The following ADGRB3 variants were observed in gnomAD, a reference collection of about 807,000 sequenced individuals.
The protein encoded by ADGRB3 is brain-specific angiogenesis inhibitor 3.
In ADGRB3, 37 loss-of-function variants were observed where a neutral mutation model predicts 193.4. That is an observed-to-expected ratio of 0.19 (90% CI 0.15 to 0.25). ADGRB3 has a LOEUF of 0.25. Ranked by LOEUF, ADGRB3 falls within the 10% of genes least tolerant of loss-of-function variation. The pLI, the probability that ADGRB3 is intolerant of heterozygous loss-of-function variation, is 1.00. For synonymous variants in ADGRB3, 690 were observed against 644.2 expected, an observed-to-expected ratio of 1.07 and a Z score of -1.08; for missense variants, 1,637 against 1,852.9, an observed-to-expected ratio of 0.88 and a Z score of 2.14.
At position 68,978,998 on chromosome 6, in the gene ADGRB3, T is replaced by G. The variant is rs932333755; in HGVS notation, c.1734+3658T>G. On this transcript the variant is annotated intron_variant, in intron 10 of 31. Coordinates refer to ENST00000370598, the MANE Select transcript of ADGRB3 (RefSeq NM_001704.3). ...AATGAAATTTTATCATTAATAAACATTAGTTGTGTATGTTCTATGAACTCT... is the reference window on the plus strand; with the variant it reads ...AATGAAATTTTATCATTAATAAACAGTAGTTGTGTATGTTCTATGAACTCT... Among the ~76,000 whole-genome samples the G allele has an allele frequency of 4.0e-5, 6 of 151,310 alleles. 1 individual carries two copies. In the East Asian group the frequency reaches 1.2e-3, roughly 29 times the overall value.
At chr6:68,639,694 A>G (rs1439536970) in intron 3 of ADGRB3, among the ~76,000 whole-genome samples, 1 of 152,176 alleles carries the variant, frequency 6.6e-6, no homozygotes, top group Non-Finnish European at 1.5e-5. Flanking sequence ...GCAGAAACCT[A>G]GAGCCAGCAT....
chr6:68,716,491 C>T (rs746350666), intron 3 of ADGRB3, among the ~76,000 whole-genome samples: 21 of 150,950 alleles, frequency 1.4e-4, no homozygotes, highest in Admixed American at 2.6e-4. Flanking sequence ...TATTTGGACC[C>T]GCTAAAATTT....
chr6:69,018,017 T>C (rs1008076461), intron 12 of ADGRB3, among the ~76,000 whole-genome samples: 2 of 151,944 alleles, frequency 1.3e-5, no homozygotes, highest in East Asian at 1.9e-4. Context: ...TCCTCTTGTG[T>C]TCCTCATATA....
At chr6:69,259,125 G>T (rs1457364198) in intron 20 of ADGRB3, among the ~76,000 whole-genome samples, 1 of 152,096 alleles carries the variant, frequency 6.6e-6, no homozygotes, top group African/African-American at 2.4e-5. Context: ...GATATTAAAA[G>T]ACAGGAATCC....
rs116522011 is a variant in ADGRB3, at chr6:69,221,163, T to G, written c.2481-12127T>G. ...AAGCAAAATTTCCTATTCTTTAAAT[T>G]ATGATAGTCATTATTTTAGGCTGTC... On this transcript the variant is annotated intron_variant, in intron 17 of 31. Coordinates refer to ENST00000370598, the MANE Select transcript of ADGRB3 (RefSeq NM_001704.3). Among the ~76,000 whole-genome samples, 167 of 152,292 alleles carry G rather than the reference T, an allele frequency of 1.1e-3. 1 individual carries two copies. Among genetic ancestry groups the G allele is most frequent in the African/African-American group, 3.8e-3 (157 of 41,574 alleles).
At chr6:68,747,369 C>A (rs904148437) in intron 3 of ADGRB3, among the ~76,000 whole-genome samples, 26 of 152,088 alleles carry the variant, frequency 1.7e-4, no homozygotes, top group African/African-American at 4.6e-4. Context: ...CACTCAATAC[C>A]AAACAGTTAT....
chr6:69,032,423 G>T (rs1770740730), intron 13 of ADGRB3, among the ~76,000 whole-genome samples: 1 of 152,066 alleles, frequency 6.6e-6, no homozygotes, highest in Non-Finnish European at 1.5e-5. Flanking sequence ...AAATGAACTA[G>T]AAGGATGCTG....
At chr6:68,712,135 T>A (rs1376201145) in intron 3 of ADGRB3, among the ~76,000 whole-genome samples, 1 of 152,034 alleles carries the variant, frequency 6.6e-6, no homozygotes, top group Non-Finnish European at 1.5e-5. Flanking sequence ...TTATTGAATT[T>A]CAAAGTGCAC....
At chr6:68,943,140 A>G (rs1477917889) in intron 5 of ADGRB3, among the ~76,000 whole-genome samples, 6 of 152,174 alleles carry the variant, frequency 3.9e-5, no homozygotes, top group Non-Finnish European at 7.4e-5. Context: ...GAGGAAAAGC[A>G]TCTTCTGGTT....
intron 17 of ADGRB3, among the ~76,000 whole-genome samples, chr6:69,076,343 T>C (rs1202780513): frequency 1.3e-5 from 2 of 152,116 alleles, no homozygotes; most frequent in African/African-American, 4.8e-5. Context: ...GAATGCCATC[T>C]TAACATCTTG....
intron 20 of ADGRB3, among the ~76,000 whole-genome samples, chr6:69,260,066 C>T (rs1766890907): frequency 6.6e-6 from 1 of 152,112 alleles, no homozygotes; most frequent in South Asian, 2.1e-4. Context: ...TGTGTGTGCA[C>T]ATGTGATGTG....
At chr6:68,757,661 A>G (rs576040611) in intron 3 of ADGRB3, among the ~76,000 whole-genome samples, 1 of 152,172 alleles carries the variant, frequency 6.6e-6, no homozygotes, top group East Asian at 1.9e-4. Flanking sequence ...GCAAGTCCCA[A>G]AGATGCTTGA....
intron 3 of ADGRB3, among the ~76,000 whole-genome samples, chr6:68,866,516 G>A (rs1303158743): frequency 6.6e-6 from 1 of 152,144 alleles, no homozygotes; most frequent in African/African-American, 2.4e-5. Context: ...CCACGAGAGT[G>A]GGTCACTGCT....
chr6:68,883,964 C>A (rs1460620303), intron 3 of ADGRB3, among the ~76,000 whole-genome samples: 1 of 152,076 alleles, frequency 6.6e-6, no homozygotes, highest in African/African-American at 2.4e-5. Context: ...GCTGTCCTGT[C>A]AATGGATATT....
chr6:69,058,122 G>C (rs867735243), intron 15 of ADGRB3, among the ~76,000 whole-genome samples: 1 of 151,176 alleles, frequency 6.6e-6, no homozygotes, highest in African/African-American at 2.4e-5. Flanking sequence ...ACTAGTTATG[G>C]GTCTATTCAG....
At chr6:68,798,079 G>T (rs1159513214) in intron 3 of ADGRB3, among the ~76,000 whole-genome samples, 1 of 152,044 alleles carries the variant, frequency 6.6e-6, no homozygotes, top group African/African-American at 2.4e-5. Context: ...TAAAATGAAA[G>T]AATATCTTCC....
At chr6:68,643,179 C>T (rs1768121969) in intron 3 of ADGRB3, among the ~76,000 whole-genome samples, 2 of 152,240 alleles carry the variant, frequency 1.3e-5, no homozygotes, top group South Asian at 4.1e-4. Flanking sequence ...TGAACACACA[C>T]ACTCATTTGT....
At chr6:68,756,103 T>G (rs1766294068) in intron 3 of ADGRB3, among the ~76,000 whole-genome samples, 1 of 152,118 alleles carries the variant, frequency 6.6e-6, no homozygotes, top group African/African-American at 2.4e-5. Flanking sequence ...TGTTTCTGCT[T>G]CCTTCACCTG....
intron 26 of ADGRB3, among the ~76,000 whole-genome samples, chr6:69,340,421 T>C (rs1768949572): frequency 6.6e-6 from 1 of 152,148 alleles, no homozygotes. Flanking sequence ...GCCATGCTAG[T>C]CACTTTGAGA....
Sources: gnomAD v4.1 joint callset for allele counts (sites outside exome capture counted in the v4.1 genomes callset) on GRCh38, gnomAD v4.1.1 for gene constraint, MANE v1.5 for transcripts, NCBI Gene and HGNC (gene_info 2026-07-23, HGNC 2026-07-21) for gene names.